The following UTP20 variants were observed in gnomAD, a reference collection of about 807,000 sequenced individuals.
UTP20 encodes UTP20 small subunit processome component.
A neutral mutation model predicts 329.5 loss-of-function variants in UTP20; 164 were observed. That is an observed-to-expected ratio of 0.50 (90% CI 0.44 to 0.57). The LOEUF (loss-of-function observed/expected upper bound fraction) is 0.57, where lower values mean the gene tolerates loss of function less well. UTP20 is among the 20% of genes least tolerant of loss of function. The pLI is 0.00. For missense variants in UTP20, 3,055 were observed against 3,284.2 expected, an observed-to-expected ratio of 0.93 and a Z score of 1.71; for synonymous variants, 1,151 against 1,159.3, an observed-to-expected ratio of 0.99 and a Z score of 0.14.
chr12:101,306,816 T>C (rs1872652772), intron 17 of UTP20, 55 bp downstream of exon 17: 2 of 1,468,146 alleles, frequency 1.4e-6, no homozygotes, highest in Admixed American at 2.1e-5. Context: ...TTACATATTA[T>C]TGTGGTTTCC....
At chr12:101,304,442 T>C (rs776788269) in intron 15 of UTP20, among the ~76,000 whole-genome samples, 19 of 152,228 alleles carry the variant, frequency 1.2e-4, no homozygotes, top group Non-Finnish European at 2.4e-4. Context: ...AACAATTCCA[T>C]GATGTGTGGG....
intron 38 of UTP20, among the ~76,000 whole-genome samples, chr12:101,348,253 A>T (rs181939727): frequency 1.6e-3 from 243 of 152,360 alleles, no homozygotes; most frequent in Non-Finnish European, 2.6e-3. Flanking sequence ...TTTAACTGGT[A>T]TGTAGACCAT....
chr12:101,339,268 G>A (rs1302422620), intron 31 of UTP20, among the ~76,000 whole-genome samples: 9 of 152,018 alleles, frequency 5.9e-5, no homozygotes, highest in Non-Finnish European at 1.2e-4. Flanking sequence ...AGCCGAGATC[G>A]CGCCACTGCA....
intron 38 of UTP20, among the ~76,000 whole-genome samples, chr12:101,351,512 T>C (rs1869522083): frequency 6.6e-6 from 1 of 151,128 alleles, no homozygotes; most frequent in Non-Finnish European, 1.5e-5. Context: ...AAGAGGTGTC[T>C]CTGAGGCAGT....
At chr12:101,373,163 T>G (rs1870347836) in intron 52 of UTP20, among the ~76,000 whole-genome samples, 200 bp downstream of exon 52, 1 of 152,196 alleles carries the variant, frequency 6.6e-6, no homozygotes, top group Non-Finnish European at 1.5e-5. Context: ...TCAATCTAAT[T>G]TAACCGTTGA....
chr12:101,295,914 A>G (rs1455488177), intron 12 of UTP20, among the ~76,000 whole-genome samples: 1 of 152,230 alleles, frequency 6.6e-6, no homozygotes, highest in Non-Finnish European at 1.5e-5. Context: ...TTGTTTAATC[A>G]GAAGGATGGT....
chr12:101,363,810 T>C, intron 45 of UTP20, 67 bp downstream of exon 45: 1 of 1,071,144 alleles, frequency 9.3e-7, no homozygotes, highest in Non-Finnish European at 1.4e-6. Flanking sequence ...AAAGGAACCA[T>C]GCGGGGCAAA....
Position 101,321,641 on chromosome 12 carries a change from G to A in UTP20, c.3041+12G>A, listed in dbSNP as rs142921623. ...CCTATTCTGATGAGGTATTTATGCT[G>A]TTCAAACACTGATTTTTAAAAAGTT... On this transcript the variant is annotated intron_variant, in intron 25 of 61. Transcript: ENST00000261637. 5.7e-4 allele frequency: 918 copies of A among 1,608,466 alleles called. 1 individual carries two copies. Among genetic ancestry groups the A allele is most frequent in the Non-Finnish European group, 7.3e-4 (855 of 1,177,256 alleles).
intron 21 of UTP20, among the ~76,000 whole-genome samples, chr12:101,314,739 C>G (rs574287302): frequency 6.6e-6 from 1 of 151,692 alleles, no homozygotes; most frequent in Admixed American, 6.6e-5. Context: ...AAAAAAGAAA[C>G]AGACATAGGG....
chr12:101,285,160 C>T (rs531996116), intron 2 of UTP20, among the ~76,000 whole-genome samples: 2 of 152,160 alleles, frequency 1.3e-5, no homozygotes, highest in Non-Finnish European at 1.5e-5. Context: ...GGTCAAAGAG[C>T]GTAACTATTT....
At chr12:101,384,490 G>A (rs747458732) in intron 60 of UTP20, among the ~76,000 whole-genome samples, 20 of 152,312 alleles carry the variant, frequency 1.3e-4, no homozygotes, top group East Asian at 9.7e-4. Flanking sequence ...TCAGTGAGCC[G>A]TGATTGCACC....
intron 15 of UTP20, among the ~76,000 whole-genome samples, chr12:101,303,572 C>T (rs1390837457): frequency 1.3e-5 from 2 of 152,108 alleles, no homozygotes; most frequent in South Asian, 2.1e-4. Flanking sequence ...GTGGTGGGTG[C>T]CTGGCTTGAA....
chr12:101,328,595 A>C (rs1224747870), intron 26 of UTP20, among the ~76,000 whole-genome samples: 1 of 152,178 alleles, frequency 6.6e-6, no homozygotes, highest in Non-Finnish European at 1.5e-5. Context: ...AGGACCAGGC[A>C]TAGTGGCTCA....
chr12:101,332,905 A>T (rs1224925160), intron 27 of UTP20, among the ~76,000 whole-genome samples: 1 of 152,180 alleles, frequency 6.6e-6, no homozygotes, highest in Non-Finnish European at 1.5e-5. Context: ...TTTCCCCCTA[A>T]TATAAGGCAT....
rs1436354513 is a variant in UTP20, at chr12:101,297,518, C to T, written c.1430+1860C>T. 2.6e-5 allele frequency among the ~76,000 whole-genome samples: 4 copies of T among 152,160 alleles called. No homozygotes were observed. The South Asian group carries it at 6.2e-4, about 24-fold the overall frequency. On this transcript the variant is annotated intron_variant, in intron 12 of 61. Coordinates refer to ENST00000261637, the MANE Select transcript of UTP20 (RefSeq NM_014503.3). The stretch of plus-strand genomic sequence containing the variant: ...GTTGAGCCACTGTGTTTAGCAAACT[C>T]ATCTTAACACCTACTTATATCTTCT...
intron 38 of UTP20, among the ~76,000 whole-genome samples, chr12:101,351,212 C>T (rs1256092492): frequency 2.6e-5 from 4 of 151,902 alleles, no homozygotes; most frequent in African/African-American, 7.3e-5. Flanking sequence ...CTGCAACCTC[C>T]GCCTCCCGGG....
At chr12:101,321,469 A>C in intron 24 of UTP20, 35 bp from the exon 25 acceptor site, 1 of 1,608,642 alleles carries the variant, frequency 6.2e-7, no homozygotes, top group Non-Finnish European at 8.5e-7. Flanking sequence ...CACTGTTGAT[A>C]AAGTGGTGAT....
chr12:101,372,955 T>C lies in UTP20; in HGVS notation c.6870T>C (p.Ala2290=). The C allele has an allele frequency of 6.2e-7, 1 of 1,613,814 alleles. No homozygotes were observed. The highest frequency in any genetic ancestry group is 8.5e-7 in the Non-Finnish European group (1 of 1,179,680). Reference sequence around the variant, plus strand: ...GACCAAACTTGGAATTCATGCTCGCTCAACTGAAGTAAGCTTAAGCTATTA... The same window carrying C: ...GACCAAACTTGGAATTCATGCTCGCCCAACTGAAGTAAGCTTAAGCTATTA... ...KLRPNLEFML[A]QLNYEHETGR... Residue 2290 remains alanine, a synonymous_variant, in exon 52 of 62, where the codon GCT becomes GCC. Transcript: ENST00000261637.
intron 56 of UTP20, among the ~76,000 whole-genome samples, chr12:101,376,341 TCACCTAA>T (rs929133669): frequency 6.6e-6 from 1 of 152,216 alleles, no homozygotes; most frequent in African/African-American, 2.4e-5. Flanking sequence ...CAGTTGCGCA[TCACCTAA>T]CAATAGAGAA....
Sources: allele counts gnomAD v4.1 joint callset (sites outside exome capture counted in the v4.1 genomes callset), GRCh38; gene constraint gnomAD v4.1.1; transcripts MANE v1.5; gene names NCBI Gene and HGNC (gene_info 2026-07-23, HGNC 2026-07-21).